GRIK2: variants seen among roughly 807,000 people sequenced by gnomAD.
The protein encoded by GRIK2 is glutamate ionotropic receptor kainate type subunit 2, also known as glutamate receptor ionotropic, kainate 2.
GRIK2 carries 32 observed loss-of-function variants against 100.3 expected under a neutral mutation model. The observed-to-expected ratio is 0.32, with a 90% confidence interval of 0.24 to 0.43. The LOEUF (loss-of-function observed/expected upper bound fraction) is 0.43. GRIK2 is among the 20% of genes least tolerant of loss of function. The probability of loss-of-function intolerance (pLI) is 1.00; values close to 1 mark genes in which losing one functional copy is unlikely to be tolerated. For missense variants in GRIK2, 843 were observed against 1,114.9 expected (o/e 0.76, Z 3.47); for synonymous variants, 417 against 389.4 (o/e 1.07, Z -0.83).
At chr6:101,617,366 G>T (rs1355985351) in intron 2 of GRIK2, among the ~76,000 whole-genome samples, 2 of 151,756 alleles carry the variant, frequency 1.3e-5, no homozygotes, top group Non-Finnish European at 2.9e-5. Context: ...ATACTTTTGT[G>T]TCTGGCTTCT....
chr6:102,028,068 A>G (rs150895769), intron 14 of GRIK2, among the ~76,000 whole-genome samples: 237 of 151,320 alleles, frequency 1.6e-3, no homozygotes, highest in African/African-American at 5.2e-3. Context: ...GTCATTTGAG[A>G]CTTGCAAAGA....
At chr6:101,536,338 CT>C (rs202183476) in intron 2 of GRIK2, among the ~76,000 whole-genome samples, 2 of 151,210 alleles carry the variant, frequency 1.3e-5, no homozygotes, top group Non-Finnish European at 3.0e-5. Flanking sequence ...AGGCGTATCT[CT>C]TTTTTTTGTT....
intron 7 of GRIK2, among the ~76,000 whole-genome samples, chr6:101,789,701 T>C (rs935261588): frequency 1.6e-4 from 24 of 152,284 alleles, no homozygotes; most frequent in Non-Finnish European, 2.8e-4. Context: ...TCTTTTTTGG[T>C]GCCGTATGAA....
chr6:101,708,446 G>T (rs757551330), intron 7 of GRIK2, among the ~76,000 whole-genome samples: 6 of 151,272 alleles, frequency 4.0e-5, no homozygotes, highest in Non-Finnish European at 8.9e-5. Flanking sequence ...TTCTGTTAGT[G>T]GTTTGATATA....
intron 14 of GRIK2, among the ~76,000 whole-genome samples, chr6:101,966,031 G>C (rs894110980): frequency 1.3e-5 from 2 of 151,954 alleles, no homozygotes; most frequent in South Asian, 2.1e-4. Flanking sequence ...TTTCGTGACT[G>C]CATGTACTTT....
chr6:101,506,564 A>C (rs1774035258), intron 2 of GRIK2, among the ~76,000 whole-genome samples: 1 of 152,164 alleles, frequency 6.6e-6, no homozygotes, highest in African/African-American at 2.4e-5. Context: ...CCATGATCAG[A>C]GTTCCATGAA....
At chr6:101,652,475 G>T (rs1242298936) in intron 4 of GRIK2, among the ~76,000 whole-genome samples, 2 of 152,062 alleles carry the variant, frequency 1.3e-5, no homozygotes, top group Non-Finnish European at 2.9e-5. Flanking sequence ...TCCAGTCTAT[G>T]GTACTTTGTT....
chr6:101,682,530 C>G, intron 5 of GRIK2, 23 bp from the exon 6 acceptor site: 1 of 1,028,296 alleles, frequency 9.7e-7, no homozygotes, highest in African/African-American at 1.6e-5. Context: ...TATGTACCTT[C>G]AGTAATTTTT....
chr6:101,626,260 T>G, intron 3 of GRIK2, 120 bp from the exon 4 acceptor site: 1 of 942,684 alleles, frequency 1.1e-6, no homozygotes, highest in Non-Finnish European at 1.6e-6. Flanking sequence ...GATATATATT[T>G]TTTAAAAACA....
intron 14 of GRIK2, among the ~76,000 whole-genome samples, chr6:102,011,888 A>G (rs1415989665): frequency 6.6e-6 from 1 of 152,052 alleles, no homozygotes; most frequent in Non-Finnish European, 1.5e-5. Flanking sequence ...CGCCAGGCCC[A>G]AGTTATTTCT....
chr6:101,467,121 T>C (rs79351399), intron 2 of GRIK2, among the ~76,000 whole-genome samples: 6,794 of 152,238 alleles, frequency 0.045, 210 homozygotes, highest in South Asian at 0.097. Context: ...AAGTATGTTT[T>C]TATTGTATAA....
chr6:101,472,333 C>T (rs1443248671), intron 2 of GRIK2, among the ~76,000 whole-genome samples: 1 of 151,454 alleles, frequency 6.6e-6, no homozygotes, highest in Non-Finnish European at 1.5e-5. Flanking sequence ...GATATAATAC[C>T]GTTTGGGAAA....
intron 11 of GRIK2, among the ~76,000 whole-genome samples, chr6:101,878,585 C>G (rs1258034051): frequency 6.6e-6 from 1 of 151,948 alleles, no homozygotes; most frequent in African/African-American, 2.4e-5. Context: ...TTGAGACTCT[C>G]TGGTCTGTTT....
chr6:101,673,585 T>C (rs1770597802), intron 4 of GRIK2, among the ~76,000 whole-genome samples: 1 of 152,192 alleles, frequency 6.6e-6, no homozygotes, highest in Non-Finnish European at 1.5e-5. Flanking sequence ...CATGACAGTA[T>C]ATAAAAACTG....
At chr6:101,500,863 A>C (rs983571753) in intron 2 of GRIK2, among the ~76,000 whole-genome samples, 6 of 151,994 alleles carry the variant, frequency 3.9e-5, no homozygotes, top group African/African-American at 1.2e-4. Context: ...TTACCTTGCA[A>C]GGTTTTAGTA....
intron 2 of GRIK2, among the ~76,000 whole-genome samples, chr6:101,402,142 C>G (rs1044343626): frequency 1.3e-5 from 2 of 152,110 alleles, no homozygotes; most frequent in Non-Finnish European, 2.9e-5. Context: ...AGTGCTGAAC[C>G]CTTGCCACGT....
At chr6:101,471,385 C>T (rs1019894412) in intron 2 of GRIK2, among the ~76,000 whole-genome samples, 2 of 151,944 alleles carry the variant, frequency 1.3e-5, no homozygotes, top group Non-Finnish European at 2.9e-5. Flanking sequence ...TTCACTATGG[C>T]CCCAATAGCC....
At chr6:101,517,904 C>G (rs1336992525) in intron 2 of GRIK2, among the ~76,000 whole-genome samples, 4 of 151,640 alleles carry the variant, frequency 2.6e-5, no homozygotes, top group Non-Finnish European at 5.9e-5. Context: ...TCTTGGTAGT[C>G]ATAGCACATA....
chr6:102,033,893 A>G (rs1024845104), intron 14 of GRIK2, among the ~76,000 whole-genome samples: 5 of 151,516 alleles, frequency 3.3e-5, no homozygotes, highest in East Asian at 1.9e-4. Flanking sequence ...ACATGAAACT[A>G]TATACATTTG....
Sources: gnomAD v4.1 joint callset for allele counts (sites outside exome capture counted in the v4.1 genomes callset) on GRCh38, gnomAD v4.1.1 for gene constraint, MANE v1.5 for transcripts, NCBI Gene and HGNC (gene_info 2026-07-23, HGNC 2026-07-21) for gene names.